KLHL32: variants seen among roughly 807,000 people sequenced by gnomAD.
The protein encoded by KLHL32 is kelch like family member 32.
A neutral mutation model predicts 64.8 loss-of-function variants in KLHL32; 35 were observed. The observed-to-expected ratio is 0.54, with a 90% CI of 0.41 to 0.72. KLHL32 has a LOEUF of 0.72. Ranked by LOEUF, KLHL32 falls within the 30% of genes least tolerant of loss-of-function variation. The pLI, the probability that KLHL32 is intolerant of heterozygous loss-of-function variation, is 0.00. For missense variants in KLHL32, 589 were observed against 768.5 expected, an observed-to-expected ratio of 0.77 and a Z score of 2.76; for synonymous variants, 259 against 281.0, an observed-to-expected ratio of 0.92 and a Z score of 0.78.
chr6:97,010,012 T>G (rs1780163114), intron 3 of KLHL32, among the ~76,000 whole-genome samples: 1 of 151,794 alleles, frequency 6.6e-6, no homozygotes, highest in South Asian at 2.1e-4. Context: ...CTATGAAGAC[T>G]TCTGTTTAGC....
rs113080976 is a variant in KLHL32, at chr6:97,111,816, C to G, written c.628-1967C>G. ...AAGTGACTCTTAGTAGAAAGGGGAG[C>G]TGGAAAGGGGATGGGGTGGGAAGGT... On this transcript the variant is annotated intron_variant, in intron 6 of 10. Coordinates refer to ENST00000369261, the MANE Select transcript of KLHL32 (RefSeq NM_052904.4). Among the ~76,000 whole-genome samples, 497 of 152,210 alleles carry G rather than the reference C, an allele frequency of 3.3e-3. 3 individuals are homozygous for G. The highest frequency in any genetic ancestry group is 0.011 in the African/African-American group (470 of 41,540).
intron 1 of KLHL32, among the ~76,000 whole-genome samples, chr6:96,939,641 C>G (rs368487363): frequency 6.6e-6 from 1 of 152,080 alleles, no homozygotes; most frequent in East Asian, 1.9e-4. Flanking sequence ...AACACAGTGT[C>G]AACACAGTGG....
At chr6:97,016,386 T>C (rs1472402121) in intron 3 of KLHL32, among the ~76,000 whole-genome samples, 2 of 152,252 alleles carry the variant, frequency 1.3e-5, no homozygotes, top group African/African-American at 4.8e-5. Flanking sequence ...AGACATGGCG[T>C]CAAAGGAGAT....
At position 97,031,534 on chromosome 6, in the gene KLHL32, TC is replaced by T. The variant is rs1343517643; in HGVS notation, c.205-9956del. Among the ~76,000 whole-genome samples the T allele has an allele frequency of 5.3e-5, 8 of 151,998 alleles. No homozygotes were observed. The East Asian group carries it at 1.5e-3, about 29-fold the overall frequency. On this transcript the variant is annotated intron_variant, in intron 3 of 10. Coordinates refer to ENST00000369261, the MANE Select transcript of KLHL32 (RefSeq NM_052904.4). ...TTTATTGTTTGTAGAGATAGGGTCT[TC>T]CTATGTTGCCCAGCCTGGTCTCAAA...
intron 1 of KLHL32, among the ~76,000 whole-genome samples, chr6:96,965,090 T>C (rs145287913): frequency 2.6e-3 from 403 of 152,304 alleles, no homozygotes; most frequent in Non-Finnish European, 5.0e-3. Flanking sequence ...GAGAAGAACA[T>C]GTGTTATTTG....
chr6:97,126,397 A>G (rs1034087103), intron 7 of KLHL32, among the ~76,000 whole-genome samples: 1 of 151,824 alleles, frequency 6.6e-6, no homozygotes, highest in Non-Finnish European at 1.5e-5. Flanking sequence ...AGCAAAATGA[A>G]TAATTTCTGG....
At chr6:97,093,504 A>G (rs111655574) in intron 6 of KLHL32, among the ~76,000 whole-genome samples, 1 of 152,106 alleles carries the variant, frequency 6.6e-6, no homozygotes, top group African/African-American at 2.4e-5. Context: ...GAAAACAGAA[A>G]CTCAAAGTAC....
At chr6:96,986,714 G>A (rs758096596) in intron 3 of KLHL32, among the ~76,000 whole-genome samples, 118 of 152,332 alleles carry the variant, frequency 7.7e-4, no homozygotes, top group South Asian at 8.3e-4. Flanking sequence ...TGCTAAGACC[G>A]TTGGAAAAGC....
Position 96,924,744 on chromosome 6 carries a change from T to C in KLHL32, c.-348T>C, listed in dbSNP as rs1019426071. On this transcript the variant is annotated 5_prime_UTR_variant, in exon 1 of 11. Coordinates refer to ENST00000369261, the MANE Select transcript of KLHL32 (RefSeq NM_052904.4). ...GGGCTTTTTATTTACTAGGGAGCAGTTTCCCCGCGCGACAGTTCGGGAGCG... is the reference window on the plus strand; with the variant it reads ...GGGCTTTTTATTTACTAGGGAGCAGCTTCCCCGCGCGACAGTTCGGGAGCG... The C allele has an allele frequency of 2.6e-5, 4 of 152,294 alleles. No homozygotes were observed. The highest frequency in any genetic ancestry group is 2.6e-4 in the Admixed American group (4 of 15,248). The allele number at this position is 152,294 out of a possible 1,614,324, so 9.4% of individuals were successfully genotyped here. A position where few individuals can be genotyped will look rare whatever the true frequency, so the allele number is the denominator to read the frequency against.
chr6:97,035,462 A>C (rs888190859), intron 3 of KLHL32, among the ~76,000 whole-genome samples: 134 of 152,160 alleles, frequency 8.8e-4, no homozygotes, highest in African/African-American at 3.1e-3. Context: ...GTTACTGTTT[A>C]GCATGTTTTT....
chr6:97,031,212 G>C (rs1264344020), intron 3 of KLHL32, among the ~76,000 whole-genome samples: 1 of 152,078 alleles, frequency 6.6e-6, no homozygotes, highest in Admixed American at 6.5e-5. Context: ...TATCCAATGA[G>C]GCTCTTCCTA....
At chr6:97,011,268 A>T (rs753934536) in intron 3 of KLHL32, among the ~76,000 whole-genome samples, 1 of 152,220 alleles carries the variant, frequency 6.6e-6, no homozygotes, top group Non-Finnish European at 1.5e-5. Flanking sequence ...ATCCTGCAAG[A>T]GGTGGTTGCT....
At chr6:96,929,339 T>A (rs1221462670) in intron 1 of KLHL32, among the ~76,000 whole-genome samples, 1 of 152,204 alleles carries the variant, frequency 6.6e-6, no homozygotes, top group Non-Finnish European at 1.5e-5. Flanking sequence ...AAAATGATAC[T>A]GTAAGGAGCC....
chr6:96,978,376 T>C (rs1775938708), intron 3 of KLHL32, among the ~76,000 whole-genome samples: 1 of 152,174 alleles, frequency 6.6e-6, no homozygotes, highest in South Asian at 2.1e-4. Context: ...CTCTCACTTA[T>C]AAGTGAGAAT....
At chr6:96,991,994 G>T (rs1407639944) in intron 3 of KLHL32, among the ~76,000 whole-genome samples, 7 of 152,202 alleles carry the variant, frequency 4.6e-5, no homozygotes. Context: ...CTTCCGAGCG[G>T]CAGAAATGGC....
chr6:97,067,448 G>A (rs1057218229), intron 5 of KLHL32, among the ~76,000 whole-genome samples: 1 of 152,066 alleles, frequency 6.6e-6, no homozygotes, highest in Non-Finnish European at 1.5e-5. Context: ...TTGATGGGGG[G>A]GTGCCTTTCT....
chr6:96,988,838 G>A (rs570317612), intron 3 of KLHL32, among the ~76,000 whole-genome samples: 130 of 152,186 alleles, frequency 8.5e-4, no homozygotes, highest in Middle Eastern at 3.4e-3. Context: ...ATCATTCTCA[G>A]CAAACTGTTG....
chr6:97,120,106 G>A (rs959427765), intron 7 of KLHL32, among the ~76,000 whole-genome samples: 3 of 152,138 alleles, frequency 2.0e-5, no homozygotes, highest in Non-Finnish European at 2.9e-5. Flanking sequence ...CAGGTACCAG[G>A]AACAGTGAAG....
At chr6:97,104,258 A>G (rs747678636) in intron 6 of KLHL32, among the ~76,000 whole-genome samples, 3 of 152,216 alleles carry the variant, frequency 2.0e-5, no homozygotes, top group Non-Finnish European at 2.9e-5. Context: ...TGGAACTTAC[A>G]TGTGGCAGGT....
Sources: allele counts gnomAD v4.1 joint callset (sites outside exome capture counted in the v4.1 genomes callset), GRCh38; gene constraint gnomAD v4.1.1; transcripts MANE v1.5; gene names NCBI Gene and HGNC (gene_info 2026-07-23, HGNC 2026-07-21).